FAM193A: variants seen among roughly 807,000 people sequenced by gnomAD.
FAM193A encodes the protein protein FAM193A.
Under a neutral mutation model 126.5 loss-of-function variants are expected in FAM193A, and 22 were observed. That is an observed-to-expected ratio of 0.17 (90% CI 0.12 to 0.25). FAM193A has a LOEUF of 0.25. FAM193A is among the 10% of genes least tolerant of loss of function. FAM193A has a pLI of 1.00. For missense variants in FAM193A, 1,675 were observed against 1,672.8 expected, an observed-to-expected ratio of 1.00 and a Z score of -0.02; for synonymous variants, 761 against 646.8, an observed-to-expected ratio of 1.18 and a Z score of -2.68.
intron 20 of FAM193A, among the ~76,000 whole-genome samples, chr4:2,731,196 CAAAAAAAAA>C (rs546217602): frequency 6.4e-4 from 56 of 86,874 alleles, no homozygotes; most frequent in Non-Finnish European, 8.5e-4. Flanking sequence ...AACTCCTTCT[CAAAAAAAAA>C]AAAAAAAAAA....
At chr4:2,617,530 C>T (rs868596110) in intron 2 of FAM193A, among the ~76,000 whole-genome samples, 1 of 151,592 alleles carries the variant, frequency 6.6e-6, no homozygotes, top group Non-Finnish European at 1.5e-5. Flanking sequence ...TCCCAAAGTG[C>T]TGGGATTACA....
At chr4:2,592,184 T>G (rs1433934696) in intron 1 of FAM193A, among the ~76,000 whole-genome samples, 2 of 152,098 alleles carry the variant, frequency 1.3e-5, no homozygotes, top group African/African-American at 4.8e-5. Flanking sequence ...CTCCGCCTCA[T>G]GGGTTCAAGT....
chr4:2,689,910 C>T (rs1299531539), intron 14 of FAM193A, among the ~76,000 whole-genome samples: 4 of 152,168 alleles, frequency 2.6e-5, no homozygotes, highest in Admixed American at 6.5e-5. Flanking sequence ...TGTGACAGAG[C>T]GGAGCAAGAC....
chr4:2,669,587 C>T (rs1473343255), intron 12 of FAM193A, among the ~76,000 whole-genome samples: 5 of 152,084 alleles, frequency 3.3e-5, no homozygotes, highest in South Asian at 2.1e-4. Context: ...CCAGCCTAGG[C>T]GAGAAGTGAG....
intron 5 of FAM193A, among the ~76,000 whole-genome samples, chr4:2,633,753 C>T (rs936669607): frequency 1.3e-5 from 2 of 152,052 alleles, no homozygotes; most frequent in Admixed American, 6.6e-5. Flanking sequence ...ATTAGCCTGG[C>T]GTGGTGGCAC....
At chr4:2,679,641 G>C (rs1296098969) in intron 13 of FAM193A, among the ~76,000 whole-genome samples, 1 of 152,004 alleles carries the variant, frequency 6.6e-6, no homozygotes, top group Non-Finnish European at 1.5e-5. Flanking sequence ...GTCTCCCAAA[G>C]TGTTGGGATT....
chr4:2,642,764 G>C (rs1404287630), intron 6 of FAM193A, among the ~76,000 whole-genome samples: 1 of 133,810 alleles, frequency 7.5e-6, no homozygotes, highest in Non-Finnish European at 1.6e-5. Context: ...ACAGAGTCTT[G>C]TTCTGTCGCC....
At chr4:2,694,660 G>A (rs1716829304) in intron 16 of FAM193A, among the ~76,000 whole-genome samples, 1 of 152,146 alleles carries the variant, frequency 6.6e-6, no homozygotes, top group Non-Finnish European at 1.5e-5. Context: ...AAGCTGTGGT[G>A]GCAGGGGCAG....
At chr4:2,547,613 T>TGTGTGTGC (rs1737646356) in intron 1 of FAM193A, among the ~76,000 whole-genome samples, 1 of 151,160 alleles carries the variant, frequency 6.6e-6, no homozygotes, top group Admixed American at 6.6e-5. Flanking sequence ...TCTGTGTGTG[T>TGTGTGTGC]GTGTGTGTGT....
rs556474207 is a variant in FAM193A at position 2,658,877 on chromosome 4, A to T, written c.1390-681A>T. 1.1e-3 allele frequency among the ~76,000 whole-genome samples: 162 copies of T among 152,190 alleles called. 1 individual carries two copies. The highest frequency in any genetic ancestry group is 6.8e-3 in the Middle Eastern group (2 of 294). On this transcript the variant is annotated intron_variant, in intron 8 of 20. Coordinates refer to ENST00000637812, the MANE Select transcript of FAM193A (RefSeq NM_001366318.2). ...GCGGTACTCGTGTCTCAGCCTCCTGAGTAGCTGGGATTACAGGTGCCAGCC... is the reference window on the plus strand; with the variant it reads ...GCGGTACTCGTGTCTCAGCCTCCTGTGTAGCTGGGATTACAGGTGCCAGCC...
intron 2 of FAM193A, among the ~76,000 whole-genome samples, chr4:2,613,774 CTT>C (rs71634684): frequency 4.0e-5 from 5 of 123,482 alleles, no homozygotes; most frequent in Non-Finnish European, 6.7e-5. Flanking sequence ...TTTTCTTTTT[CTT>C]TTTTTTTTGA....
intron 2 of FAM193A, among the ~76,000 whole-genome samples, chr4:2,606,826 G>A (rs963321854): frequency 6.6e-6 from 1 of 152,156 alleles, no homozygotes; most frequent in Non-Finnish European, 1.5e-5. Context: ...GAGTTTTCAA[G>A]CCCACAGTGG....
chr4:2,562,144 G>A (rs1302185865), intron 1 of FAM193A, among the ~76,000 whole-genome samples: 2 of 151,888 alleles, frequency 1.3e-5, no homozygotes, highest in African/African-American at 2.4e-5. Flanking sequence ...TCACTCTTTC[G>A]GTCAAAAGAT....
At chr4:2,691,133 C>T (rs914781948) in intron 15 of FAM193A, among the ~76,000 whole-genome samples, 163 bp downstream of exon 15, 1 of 152,238 alleles carries the variant, frequency 6.6e-6, no homozygotes, top group African/African-American at 2.4e-5. Flanking sequence ...GAGCTGATCC[C>T]CTAGGACTTT....
chr4:2,717,206 T>C (rs776463137), intron 20 of FAM193A, among the ~76,000 whole-genome samples: 2 of 151,502 alleles, frequency 1.3e-5, no homozygotes, highest in South Asian at 4.2e-4. Flanking sequence ...TCTCAAACTC[T>C]TGACTTTAAG....
Position 2,646,772 on chromosome 4 carries a change from CAG to C in FAM193A, c.1254_1255del (p.Arg418SerfsTer37). ...ACCAGCGTTCCGAGGAGGAGCTGCG[CAG>C]AGTCGCCGAGGAGTGGCTGGAGTGC... The part of the protein sequence containing the change: ...RYQRSEEELR[R>X]VAEEWLECQK... On this transcript the variant is annotated frameshift_variant, in exon 7 of 21. Coordinates refer to ENST00000637812, the MANE Select transcript of FAM193A (RefSeq NM_001366318.2). LOFTEE classifies it high-confidence loss of function. The C allele has an allele frequency of 6.2e-7, 1 of 1,614,106 alleles. No individual in the cohort carries two copies. The highest frequency in any genetic ancestry group is 1.3e-5 in the African/African-American group (1 of 75,052).
At chr4:2,671,285 C>T (rs1367623160) in intron 12 of FAM193A, among the ~76,000 whole-genome samples, 2 of 152,230 alleles carry the variant, frequency 1.3e-5, no homozygotes, top group Non-Finnish European at 2.9e-5. Flanking sequence ...ATTTCTGTCT[C>T]CTTTGCCACT....
At chr4:2,699,040 G>A (rs1717357756) in intron 18 of FAM193A, among the ~76,000 whole-genome samples, 1 of 152,176 alleles carries the variant, frequency 6.6e-6, no homozygotes, top group Admixed American at 6.5e-5. Flanking sequence ...TGGGACCACA[G>A]TCGTGCGCCC....
intron 2 of FAM193A, among the ~76,000 whole-genome samples, chr4:2,609,158 C>CTGG (rs1249312223): frequency 3.3e-5 from 5 of 152,072 alleles, no homozygotes; most frequent in Admixed American, 6.6e-5. Context: ...TTCCAAAGTG[C>CTGG]TGGGATTACA....
Sources: allele counts gnomAD v4.1 joint callset (sites outside exome capture counted in the v4.1 genomes callset), GRCh38; gene constraint gnomAD v4.1.1; transcripts MANE v1.5; gene names NCBI Gene and HGNC (gene_info 2026-07-23, HGNC 2026-07-21).